FHIT: variants seen among roughly 807,000 people sequenced by gnomAD.
FHIT encodes the protein fragile histidine triad diadenosine triphosphatase, also known as bis(5'-adenosyl)-triphosphatase.
Under a neutral mutation model 17.9 loss-of-function variants are expected in FHIT, and 19 were observed. The observed-to-expected ratio is 1.06, with a 90% CI of 0.74 to 1.56. FHIT has a LOEUF of 1.56. Among genes scored for constraint, FHIT ranks in the 40% most tolerant of loss-of-function variants. FHIT has a pLI of 0.00. For synonymous variants in FHIT, 81 were observed against 69.7 expected, an observed-to-expected ratio of 1.16 and a Z score of -0.81; for missense variants, 248 against 189.2, an observed-to-expected ratio of 1.31 and a Z score of -1.82.
chr3:59,981,044 T>G (rs1336552789), intron 7 of FHIT, among the ~76,000 whole-genome samples: 1 of 152,118 alleles, frequency 6.6e-6, no homozygotes, highest in Non-Finnish European at 1.5e-5. Context: ...ATTTTAGTGG[T>G]TATTCACTAT....
Position 60,398,668 on chromosome 3 carries a change from C to T in FHIT, c.103+138192G>A, listed in dbSNP as rs571054645. 9.9e-5 allele frequency among the ~76,000 whole-genome samples: 15 copies of T among 152,184 alleles called. No individual in the cohort carries two copies. The South Asian group carries it at 2.9e-3, about 29-fold the overall frequency. ...TGTTTGTCTGAAATCTAGGGTGATA[C>T]TTAGTAAATTACACACTTAATATGT... On this transcript the variant is annotated intron_variant, in intron 5 of 9. Coordinates refer to ENST00000492590, the MANE Select transcript of FHIT (RefSeq NM_002012.4).
At chr3:60,221,677 C>T (rs1333403119) in intron 5 of FHIT, among the ~76,000 whole-genome samples, 1 of 152,150 alleles carries the variant, frequency 6.6e-6, no homozygotes, top group Non-Finnish European at 1.5e-5. Context: ...AATCCCAGCT[C>T]ATAGTCATTC....
At chr3:60,755,105 T>C (rs948440673) in intron 4 of FHIT, among the ~76,000 whole-genome samples, 1 of 152,214 alleles carries the variant, frequency 6.6e-6, no homozygotes, top group Non-Finnish European at 1.5e-5. Context: ...TTCAAGTATA[T>C]AAATCCTACC....
rs116284441 is a variant in FHIT at position 60,650,476 on chromosome 3, C to G, written c.-17-113497G>C. On this transcript the variant is annotated intron_variant, in intron 4 of 9. Transcript: ENST00000492590. The stretch of plus-strand genomic sequence containing the variant: ...TTATCACTTCAGCTCTAATTCCATT[C>G]AAGACACAGCTATAGCTTCCCCCTT... Among the ~76,000 whole-genome samples the G allele has an allele frequency of 7.2e-3, 1,096 of 152,278 alleles. 16 individuals are homozygous for G. The highest frequency in any genetic ancestry group is 0.024 in the African/African-American group (1,012 of 41,538).
chr3:60,328,721 A>C lies in FHIT; in HGVS notation c.103+208139T>G, dbSNP rs117269254. 3.3e-4 allele frequency among the ~76,000 whole-genome samples: 50 copies of C among 152,276 alleles called. No homozygotes were observed. The East Asian group carries it at 9.1e-3, about 28-fold the overall frequency. On this transcript the variant is annotated intron_variant, in intron 5 of 9. Transcript: ENST00000492590. ...GACATAGATTACATAAAAGACCACC[A>C]ATAATAAGATTGTGCCCCACCTGTA...
intron 2 of FHIT, among the ~76,000 whole-genome samples, chr3:61,181,023 A>T (rs1475242769): frequency 6.6e-6 from 1 of 152,196 alleles, no homozygotes; most frequent in African/African-American, 2.4e-5. Flanking sequence ...AAGGAATTCA[A>T]ATGTTTGGAT....
intron 7 of FHIT, among the ~76,000 whole-genome samples, chr3:59,952,876 G>A (rs1400381315): frequency 6.6e-6 from 1 of 152,106 alleles, no homozygotes; most frequent in Admixed American, 6.5e-5. Context: ...AGCTGTGTGG[G>A]ACGGCAGCCA....
rs1358981251 is a variant in FHIT at position 60,726,852 on chromosome 3, T to C, written c.-18+95067A>G. Among the ~76,000 whole-genome samples the C allele has an allele frequency of 2.6e-5, 4 of 152,184 alleles. No individual in the cohort carries two copies. In the East Asian group the frequency reaches 7.7e-4, roughly 29 times the overall value. On this transcript the variant is annotated intron_variant, in intron 4 of 9. Transcript: ENST00000492590. ...GAGACCTTGAACCCTGTAGTCTATG[T>C]TTGTCCTCCTAATAGTGTCTCTATA...
chr3:60,756,119 T>C (rs1358919091), intron 4 of FHIT, among the ~76,000 whole-genome samples: 1 of 152,222 alleles, frequency 6.6e-6, no homozygotes, highest in Non-Finnish European at 1.5e-5. Flanking sequence ...ATTCAAAGTG[T>C]ATTAGTTAAA....
At chr3:60,016,554 G>C (rs1047242621) in intron 5 of FHIT, among the ~76,000 whole-genome samples, 112 of 152,336 alleles carry the variant, frequency 7.4e-4, no homozygotes, top group Middle Eastern at 6.8e-3. Context: ...CCAGGACAGA[G>C]TAGCTGACCT....
At chr3:60,033,371 G>A (rs1164621344) in intron 5 of FHIT, among the ~76,000 whole-genome samples, 1 of 152,044 alleles carries the variant, frequency 6.6e-6, no homozygotes, top group Admixed American at 6.6e-5. Flanking sequence ...GCGCATGCCT[G>A]TAATCTCAGC....
At chr3:60,942,210 T>A (rs530863889) in intron 3 of FHIT, among the ~76,000 whole-genome samples, 1 of 152,260 alleles carries the variant, frequency 6.6e-6, no homozygotes, top group East Asian at 1.9e-4. Flanking sequence ...AGTAGTTATT[T>A]TTTTTACTGA....
intron 3 of FHIT, among the ~76,000 whole-genome samples, chr3:60,925,615 T>G (rs918046523): frequency 2.6e-5 from 4 of 152,130 alleles, no homozygotes; most frequent in Non-Finnish European, 4.4e-5. Context: ...TATACCAAAT[T>G]GTAAAGCCCA....
intron 3 of FHIT, among the ~76,000 whole-genome samples, chr3:60,942,123 T>C (rs1332605408): frequency 1.3e-5 from 2 of 152,114 alleles, no homozygotes; most frequent in Non-Finnish European, 2.9e-5. Context: ...AGCTGGATTA[T>C]AGGTGCCCAC....
intron 1 of FHIT, among the ~76,000 whole-genome samples, chr3:61,206,976 A>G (rs1052405605): frequency 1.3e-5 from 2 of 152,152 alleles, no homozygotes; most frequent in Non-Finnish European, 2.9e-5. Flanking sequence ...AGCTCTTATT[A>G]TTTTGAGATA....
intron 3 of FHIT, among the ~76,000 whole-genome samples, chr3:60,975,878 A>T (rs1710210873): frequency 6.6e-6 from 1 of 152,136 alleles, no homozygotes; most frequent in Admixed American, 6.5e-5. Flanking sequence ...TATATTCCAC[A>T]TCTTAGGCTA....
chr3:60,566,548 C>A (rs1344093026), intron 4 of FHIT, among the ~76,000 whole-genome samples: 2 of 152,058 alleles, frequency 1.3e-5, no homozygotes, highest in Admixed American at 6.5e-5. Context: ...AAAACTGGCA[C>A]AAGACAGGGA....
At chr3:60,397,887 G>A (rs910110550) in intron 5 of FHIT, among the ~76,000 whole-genome samples, 1 of 152,048 alleles carries the variant, frequency 6.6e-6, no homozygotes, top group African/African-American at 2.4e-5. Flanking sequence ...CCTTTGAGTA[G>A]CGTCTTTGCT....
intron 1 of FHIT, among the ~76,000 whole-genome samples, chr3:61,238,280 A>T (rs896043385): frequency 2.6e-5 from 4 of 152,208 alleles, no homozygotes; most frequent in African/African-American, 9.7e-5. Context: ...CATGCAGCCA[A>T]GACTCAGCTA....
Sources: allele counts gnomAD v4.1 joint callset (sites outside exome capture counted in the v4.1 genomes callset), GRCh38; gene constraint gnomAD v4.1.1; transcripts MANE v1.5; gene names NCBI Gene and HGNC (gene_info 2026-07-23, HGNC 2026-07-21).